Variants in PPARA observed in about 807,000 individuals in gnomAD.
The protein encoded by PPARA is peroxisome proliferator activated receptor alpha.
Under a neutral mutation model 42.2 loss-of-function variants are expected in PPARA, and 22 were observed. The ratio of observed to expected loss-of-function variants is 0.52; its 90% confidence interval spans 0.37 to 0.74. The LOEUF is 0.74. Among genes scored for constraint, PPARA ranks in the 30% least tolerant of loss-of-function variants. The probability of loss-of-function intolerance (pLI) is 0.00; values close to 1 mark genes in which losing one functional copy is unlikely to be tolerated. For missense variants in PPARA, 465 were observed against 608.2 expected, an observed-to-expected ratio of 0.76 and a Z score of 2.48; for synonymous variants, 242 against 239.3, an observed-to-expected ratio of 1.01 and a Z score of -0.10.
chr22:46,158,544 G>A (rs763830122), intron 2 of PPARA, among the ~76,000 whole-genome samples: 8 of 152,194 alleles, frequency 5.3e-5, no homozygotes, highest in Non-Finnish European at 1.2e-4. Flanking sequence ...TAAGAAGTTC[G>A]TGGTCAGCTT....
intron 7 of PPARA, chr22:46,220,735 G>A (rs1934935739): frequency 6.6e-6 from 1 of 151,852 alleles, no homozygotes; most frequent in Non-Finnish European, 1.5e-5. Flanking sequence ...TTGAGTCCAG[G>A]AGTTTGATAC....
rs1925362548 is a variant in PPARA at position 46,156,790 on chromosome 22, T to C, written c.-127+4820T>C. ...CTAATTTTTGTATTTTTAGTAGAGATGGAGTTTCACCATGTTGGCCAGGCT... is the reference window on the plus strand; with the variant it reads ...CTAATTTTTGTATTTTTAGTAGAGACGGAGTTTCACCATGTTGGCCAGGCT... On this transcript the variant is annotated intron_variant, in intron 2 of 8. Transcript: ENST00000407236. The surrounding 1 kb of genome is among the most constrained non-coding windows in gnomAD (Gnocchi z 5.2). Among the ~76,000 whole-genome samples the C allele has an allele frequency of 6.6e-6, 1 of 152,110 alleles. No individual in the cohort carries two copies. Among genetic ancestry groups the C allele is most frequent in the African/African-American group, 2.4e-5 (1 of 41,424 alleles).
intron 3 of PPARA, among the ~76,000 whole-genome samples, chr22:46,185,914 AAAATATATATATATAT>A (rs1343578336): frequency 4.0e-5 from 2 of 49,574 alleles, no homozygotes; most frequent in African/African-American, 1.0e-4. Flanking sequence ...AAAAAAAAAA[AAAATATATATATATAT>A]ATATATATAT....
rs4253632 is a variant in PPARA at position 46,159,398 on chromosome 22, T to C, written c.-127+7428T>C. Among the ~76,000 whole-genome samples the C allele has an allele frequency of 6.4e-3, 975 of 152,254 alleles. 7 individuals carry two copies. Among genetic ancestry groups the C allele is most frequent in the African/African-American group, 0.022 (926 of 41,516 alleles). ...TGTGAAGCAGCGTATTTTGCTTGAG[T>C]TGTACGATTGTCGTTTTTTTCCCCC... On this transcript the variant is annotated intron_variant, in intron 2 of 8. Transcript: ENST00000407236.
chr22:46,186,801 C>T (rs933245026), intron 3 of PPARA, among the ~76,000 whole-genome samples: 6 of 152,050 alleles, frequency 3.9e-5, no homozygotes, highest in Admixed American at 3.9e-4. Context: ...AGGATACACT[C>T]CAAGCCCCCA....
chr22:46,219,898 G>T lies in PPARA; in HGVS notation c.595G>T (p.Glu199Ter), dbSNP rs1433004649. 6.2e-7 allele frequency: 1 copy of T among 1,614,180 alleles called. No homozygotes were observed. Among genetic ancestry groups the T allele is most frequent in the Non-Finnish European group, 8.5e-7 (1 of 1,180,024 alleles). ...LTCEHDIEDS[E>*]TADLKSLAKR... ...CTGTGAACATGACATAGAAGATTCT[G>T]AAACTGCAGATCTCAAATCTCTGGC... Residue 199 changes from glutamate to a stop codon, truncating the protein, a stop_gained, in exon 7 of 9, where the codon GAA becomes TAA. Transcript: ENST00000407236. LOFTEE classifies it high-confidence loss of function. The surrounding 1 kb of genome is among the most constrained non-coding windows in gnomAD (Gnocchi z 4.8).
rs1229407268 is a variant in PPARA, at chr22:46,224,886, T to G, written c.711+4872T>G. Among the ~76,000 whole-genome samples the G allele has an allele frequency of 1.3e-5, 2 of 151,680 alleles. No homozygotes were observed. The highest frequency in any genetic ancestry group is 2.4e-5 in the African/African-American group (1 of 41,278). ...CTGAATTTCTCTTTGCAGTGGCCAA[T>G]GCCTTTCTTCTGTCAAGATCAGCTC... On this transcript the variant is annotated intron_variant, in intron 7 of 8. Coordinates refer to ENST00000407236, the MANE Select transcript of PPARA (RefSeq NM_005036.6). The surrounding 1 kb of genome is among the most constrained non-coding windows in gnomAD (Gnocchi z 5.7).
At chr22:46,189,948 G>A (rs1171670680) in intron 3 of PPARA, among the ~76,000 whole-genome samples, 2 of 152,146 alleles carry the variant, frequency 1.3e-5, no homozygotes, top group South Asian at 2.1e-4. Context: ...CTCGTGATCC[G>A]CCCACCTCGG....
chr22:46,152,294 A>G (rs907108305), intron 2 of PPARA, among the ~76,000 whole-genome samples: 29 of 152,180 alleles, frequency 1.9e-4, no homozygotes, highest in Middle Eastern at 3.4e-3. Context: ...GCCTGCCACC[A>G]TGCCCAGCTA....
intron 4 of PPARA, among the ~76,000 whole-genome samples, chr22:46,208,409 G>A (rs777900320): frequency 5.3e-5 from 8 of 152,002 alleles, no homozygotes; most frequent in African/African-American, 9.7e-5. Flanking sequence ...TCAGCCAGGC[G>A]CGGTGGTACA....
intron 3 of PPARA, among the ~76,000 whole-genome samples, chr22:46,186,284 T>A (rs1395753627): frequency 1.3e-5 from 2 of 152,092 alleles, no homozygotes; most frequent in Admixed American, 1.3e-4. Context: ...CTTGGTTACT[T>A]GTAAGGTCTC....
chr22:46,206,794 T>C (rs1331021672), intron 4 of PPARA, among the ~76,000 whole-genome samples: 1 of 152,190 alleles, frequency 6.6e-6, no homozygotes, highest in East Asian at 1.9e-4. Flanking sequence ...TAAATCCAGA[T>C]TTCCATCTGC....
At position 46,232,051 on chromosome 22, in the gene PPARA, T is replaced by C; in HGVS notation, c.971T>C (p.Val324Ala). Reference sequence around the variant, plus strand: ...GCCATATTCGCCATGCTGTCTTCTGTGATGAACAAAGACGGGATGCTGGTA... The same window carrying C: ...GCCATATTCGCCATGCTGTCTTCTGCGATGAACAAAGACGGGATGCTGGTA... ...YEAIFAMLSS[V>A]MNKDGMLVAY... is the part of the protein sequence containing the mutation. The change falls in exon 8 of 9, where the codon GTG becomes GCG. Residue 324 changes from valine (V) to alanine (A), a missense_variant. Transcript: ENST00000407236. This position sits in a 1 kb window ranked among gnomAD's most constrained non-coding sequence, Gnocchi z 5.3. 1.9e-6 allele frequency: 3 copies of C among 1,614,172 alleles called. No individual in the cohort carries two copies. The highest frequency in any genetic ancestry group is 2.5e-6 in the Non-Finnish European group (3 of 1,180,038).
chr22:46,207,694 T>A (rs1312234476), intron 4 of PPARA, among the ~76,000 whole-genome samples: 2 of 134,024 alleles, frequency 1.5e-5, no homozygotes, highest in African/African-American at 5.5e-5. Flanking sequence ...TTTTTTTTTT[T>A]TTTTTTAGAG....
chr22:46,188,038 C>T lies in PPARA; in HGVS notation c.-42-10304C>T, dbSNP rs758736119. ...AGACTTCATGGTGAGAAATACCTAGCGAACAGCCTGGCACCAGCTACCAGG... is the reference window on the plus strand; with the variant it reads ...AGACTTCATGGTGAGAAATACCTAGTGAACAGCCTGGCACCAGCTACCAGG... On this transcript the variant is annotated intron_variant, in intron 3 of 8. Transcript: ENST00000407236. The surrounding 1 kb of genome is among the most constrained non-coding windows in gnomAD (Gnocchi z 5.0). Among the ~76,000 whole-genome samples, 2 of 152,200 alleles carry T rather than the reference C, an allele frequency of 1.3e-5. No individual in the cohort carries two copies. The highest frequency in any genetic ancestry group is 2.1e-4 in the South Asian group (1 of 4,832).
chr22:46,177,353 A>C (rs1172381280), intron 3 of PPARA, among the ~76,000 whole-genome samples: 1 of 151,660 alleles, frequency 6.6e-6, no homozygotes, highest in Admixed American at 6.6e-5. Flanking sequence ...AAAATTTGAT[A>C]GTCTCAGAGG....
At position 46,192,349 on chromosome 22, in the gene PPARA, C is replaced by T. The variant is rs989430727; in HGVS notation, c.-42-5993C>T. Among the ~76,000 whole-genome samples, 5 of 152,178 alleles carry T rather than the reference C, an allele frequency of 3.3e-5. No homozygotes were observed. Among genetic ancestry groups the T allele is most frequent in the African/African-American group, 7.2e-5 (3 of 41,430 alleles). On this transcript the variant is annotated intron_variant, in intron 3 of 8. Coordinates refer to ENST00000407236, the MANE Select transcript of PPARA (RefSeq NM_005036.6). The surrounding 1 kb of genome is among the most constrained non-coding windows in gnomAD (Gnocchi z 4.3). ...TTTAGCCTAATCTTCCAAACAGTCA[C>T]GCATCTAAGAGCAGGTGATGCAGAA...
chr22:46,193,689 C>T lies in PPARA; in HGVS notation c.-42-4653C>T, dbSNP rs1931855378. Reference sequence around the variant, plus strand: ...GTAAGGAAGGAATGAGAGGATCATGCAGAACCTCCCATCATTGCTGGGACT... The same window carrying T: ...GTAAGGAAGGAATGAGAGGATCATGTAGAACCTCCCATCATTGCTGGGACT... On this transcript the variant is annotated intron_variant, in intron 3 of 8. Coordinates refer to ENST00000407236, the MANE Select transcript of PPARA (RefSeq NM_005036.6). The surrounding 1 kb of genome is among the most constrained non-coding windows in gnomAD (Gnocchi z 5.3). 6.6e-6 allele frequency among the ~76,000 whole-genome samples: 1 copy of T among 152,114 alleles called. No homozygotes were observed. The highest frequency in any genetic ancestry group is 2.4e-5 in the African/African-American group (1 of 41,416).
intron 4 of PPARA, among the ~76,000 whole-genome samples, chr22:46,201,192 C>A (rs1306928907): frequency 6.6e-6 from 1 of 151,594 alleles, no homozygotes; most frequent in Non-Finnish European, 1.5e-5. Flanking sequence ...CAGAGCCGGG[C>A]CTGGACCCCG....
Sources: allele counts gnomAD v4.1 joint callset (sites outside exome capture counted in the v4.1 genomes callset), GRCh38; gene constraint gnomAD v4.1.1; non-coding constraint Gnocchi (gnomAD v3.1); transcripts MANE v1.5; gene names NCBI Gene and HGNC (gene_info 2026-07-23, HGNC 2026-07-21).